The following LRRC7 variants were observed in gnomAD, a reference collection of about 807,000 sequenced individuals.
LRRC7 encodes the protein leucine-rich repeat-containing protein 7.
A neutral mutation model predicts 175.7 loss-of-function variants in LRRC7; 23 were observed. The ratio of observed to expected loss-of-function variants is 0.13; its 90% CI spans 0.09 to 0.19. The LOEUF is 0.19. LRRC7 is among the 10% of genes least tolerant of loss of function. LRRC7 has a pLI of 1.00. For missense variants in LRRC7, 1,354 were observed against 1,904.7 expected (o/e 0.71, Z 5.38); for synonymous variants, 685 against 680.9 (o/e 1.01, Z -0.09).
intron 3 of LRRC7, among the ~76,000 whole-genome samples, chr1:69,781,728 A>AG (rs1569802623): frequency 3.0e-5 from 1 of 33,666 alleles, no homozygotes; most frequent in African/African-American, 1.8e-4. Flanking sequence ...AGAAAGAAAG[A>AG]AAGAAAGAGA....
intron 10 of LRRC7, among the ~76,000 whole-genome samples, chr1:69,990,015 A>T (rs1470577971): frequency 6.6e-6 from 1 of 152,124 alleles, no homozygotes; most frequent in Non-Finnish European, 1.5e-5. Context: ...TTGGATTTCT[A>T]TACCCAAGTA....
intron 7 of LRRC7, among the ~76,000 whole-genome samples, chr1:69,891,455 G>T (rs1645830300): frequency 6.6e-6 from 1 of 152,166 alleles, no homozygotes; most frequent in South Asian, 2.1e-4. Flanking sequence ...TCATTGGCTG[G>T]GCATGGTGGC....
intron 15 of LRRC7, 34 bp from the exon 16 acceptor site, chr1:70,020,971 A>T (rs1415560984): frequency 6.4e-7 from 1 of 1,562,338 alleles, no homozygotes; most frequent in Non-Finnish European, 8.6e-7. Flanking sequence ...ATTGTTTTTT[A>T]AAAAAACAAT....
intron 1 of LRRC7, among the ~76,000 whole-genome samples, chr1:69,580,005 C>T (rs1646129179): frequency 6.6e-6 from 1 of 152,060 alleles, no homozygotes; most frequent in South Asian, 2.1e-4. Context: ...AAGCACATGT[C>T]ATGATAGAGC....
chr1:69,822,627 G>A (rs1030457061), intron 4 of LRRC7, among the ~76,000 whole-genome samples: 1 of 152,200 alleles, frequency 6.6e-6, no homozygotes, highest in Non-Finnish European at 1.5e-5. Context: ...CCACACAGTT[G>A]GGCAAGCCTC....
chr1:69,601,528 G>A (rs1157485181), intron 1 of LRRC7, among the ~76,000 whole-genome samples: 1 of 152,156 alleles, frequency 6.6e-6, no homozygotes, highest in Admixed American at 6.5e-5. Context: ...TCAACTAGAG[G>A]ATAATGCTTC....
chr1:69,761,745 G>A (rs1035761761), intron 3 of LRRC7, among the ~76,000 whole-genome samples: 6 of 151,964 alleles, frequency 3.9e-5, no homozygotes, highest in Admixed American at 1.3e-4. Context: ...AGATGGCACC[G>A]TATTCATCTC....
intron 21 of LRRC7, among the ~76,000 whole-genome samples, chr1:70,040,244 A>G (rs551321231): frequency 6.6e-6 from 1 of 152,344 alleles, no homozygotes; most frequent in Non-Finnish European, 1.5e-5. Context: ...TAAAATTTGC[A>G]CATAGTTACT....
intron 11 of LRRC7, among the ~76,000 whole-genome samples, chr1:70,003,193 C>T (rs1218062317): frequency 1.3e-5 from 2 of 152,116 alleles, no homozygotes; most frequent in East Asian, 3.9e-4. Flanking sequence ...CCTGGTTTCT[C>T]TTCTTGTAAA....
Position 69,882,394 on chromosome 1 carries a change from G to C in LRRC7, c.647+44111G>C, listed in dbSNP as rs184365679. On this transcript the variant is annotated intron_variant, in intron 7 of 26. Transcript: ENST00000651989. Reference sequence around the variant, plus strand: ...CCAAAGAAAATAAAAAAATCAAAGAGAGATTTGCAGTCCCATGTTCATTGC... The same window carrying C: ...CCAAAGAAAATAAAAAAATCAAAGACAGATTTGCAGTCCCATGTTCATTGC... 8.7e-4 allele frequency among the ~76,000 whole-genome samples: 133 copies of C among 152,192 alleles called. 2 individuals are homozygous for C. Among genetic ancestry groups the C allele is most frequent in the African/African-American group, 3.0e-3 (123 of 41,548 alleles).
At chr1:70,042,303 T>G (rs1167971445) in intron 21 of LRRC7, among the ~76,000 whole-genome samples, 1 of 152,234 alleles carries the variant, frequency 6.6e-6, no homozygotes. Context: ...GCTGTGCTAC[T>G]TAACATTCTG....
At chr1:70,040,292 AATT>A (rs1407457787) in intron 21 of LRRC7, among the ~76,000 whole-genome samples, 1 of 152,190 alleles carries the variant, frequency 6.6e-6, no homozygotes, top group Non-Finnish European at 1.5e-5. Context: ...AATGAGCAAT[AATT>A]TTCCCAACAA....
intron 25 of LRRC7, among the ~76,000 whole-genome samples, chr1:70,093,700 G>A (rs1464982518): frequency 6.6e-6 from 1 of 152,116 alleles, no homozygotes; most frequent in Non-Finnish European, 1.5e-5. Context: ...ATAATTAGGA[G>A]CATACTGTAC....
intron 7 of LRRC7, among the ~76,000 whole-genome samples, chr1:69,897,017 T>C (rs1293089058): frequency 1.3e-5 from 2 of 152,178 alleles, no homozygotes; most frequent in Admixed American, 6.5e-5. Flanking sequence ...TGCTTTGTTT[T>C]AGCATCATTT....
intron 7 of LRRC7, among the ~76,000 whole-genome samples, chr1:69,916,510 A>G (rs1646722430): frequency 6.6e-6 from 1 of 151,662 alleles, no homozygotes; most frequent in Non-Finnish European, 1.5e-5. Context: ...TTCCACAATA[A>G]GTAAACTAAC....
chr1:70,076,388 G>A, intron 24 of LRRC7, 90 bp downstream of exon 24: 2 of 1,107,880 alleles, frequency 1.8e-6, no homozygotes. Flanking sequence ...ATGTGGTCCA[G>A]GACACAATGC....
intron 1 of LRRC7, among the ~76,000 whole-genome samples, chr1:69,678,115 G>A (rs937924052): frequency 9.9e-5 from 15 of 152,068 alleles, no homozygotes; most frequent in Non-Finnish European, 1.2e-4. Context: ...GACATATTCC[G>A]TCCATGGCAG....
At chr1:69,919,773 G>T in intron 7 of LRRC7, 2 of 928,466 alleles carry the variant, frequency 2.2e-6, no homozygotes, top group Non-Finnish European at 3.5e-6. Context: ...TTTGCGCGGC[G>T]GACGGGGGAG....
intron 1 of LRRC7, among the ~76,000 whole-genome samples, chr1:69,594,781 G>T (rs899371463): frequency 1.3e-5 from 2 of 151,984 alleles, no homozygotes; most frequent in Non-Finnish European, 2.9e-5. Context: ...GTGCTAATGG[G>T]TATCTTTCTA....
Sources: gnomAD v4.1 joint callset for allele counts (sites outside exome capture counted in the v4.1 genomes callset) on GRCh38, gnomAD v4.1.1 for gene constraint, MANE v1.5 for transcripts, NCBI Gene and HGNC (gene_info 2026-07-23, HGNC 2026-07-21) for gene names.